POU6F2: variants seen among roughly 807,000 people sequenced by gnomAD.
POU6F2 encodes the protein POU domain, class 6, transcription factor 2.
A neutral mutation model predicts 71.3 loss-of-function variants in POU6F2; 31 were observed. The observed-to-expected ratio is 0.43, with a 90% CI of 0.33 to 0.59. POU6F2 has a LOEUF of 0.59. Ranked by LOEUF, POU6F2 falls within the 20% of genes least tolerant of loss-of-function variation. The pLI is 0.04. For synonymous variants in POU6F2, 347 were observed against 355.7 expected (o/e 0.98, Z 0.27); for missense variants, 783 against 856.8 (o/e 0.91, Z 1.07).
intron 1 of POU6F2, among the ~76,000 whole-genome samples, chr7:39,066,956 A>G (rs1790767555): frequency 6.8e-6 from 1 of 148,014 alleles, no homozygotes; most frequent in Non-Finnish European, 1.5e-5. Context: ...CCATTAAAAT[A>G]TATGCATTAT....
chr7:39,390,097 G>A (rs1787034922), intron 5 of POU6F2, among the ~76,000 whole-genome samples: 1 of 152,160 alleles, frequency 6.6e-6, no homozygotes, highest in South Asian at 2.1e-4. Flanking sequence ...TGCTCACTTA[G>A]TGATATTTCA....
chr7:39,168,083 G>T (rs1793147051), intron 2 of POU6F2, among the ~76,000 whole-genome samples: 1 of 152,080 alleles, frequency 6.6e-6, no homozygotes, highest in African/African-American at 2.4e-5. Flanking sequence ...GGATACCACA[G>T]AAAACATATC....
At chr7:39,378,516 A>C (rs1428903385) in intron 5 of POU6F2, among the ~76,000 whole-genome samples, 2 of 152,136 alleles carry the variant, frequency 1.3e-5, no homozygotes, top group African/African-American at 4.8e-5. Context: ...GAAGAGCGTG[A>C]ACCAAGAGTC....
chr7:39,027,194 G>A (rs1210154806), intron 1 of POU6F2, among the ~76,000 whole-genome samples: 1 of 152,104 alleles, frequency 6.6e-6, no homozygotes, highest in Non-Finnish European at 1.5e-5. Flanking sequence ...ATGAGTAATA[G>A]GAAATATATT....
At chr7:38,993,406 T>C (rs1377791012) in intron 1 of POU6F2, among the ~76,000 whole-genome samples, 1 of 152,146 alleles carries the variant, frequency 6.6e-6, no homozygotes, top group Non-Finnish European at 1.5e-5. Flanking sequence ...ACGGTTATAA[T>C]TTTCAAGTTT....
chr7:39,432,521 C>T (rs1788127408), intron 6 of POU6F2, among the ~76,000 whole-genome samples: 1 of 152,208 alleles, frequency 6.6e-6, no homozygotes, highest in Non-Finnish European at 1.5e-5. Flanking sequence ...AGCCCAGACT[C>T]TCCACCACTG....
chr7:39,079,884 T>C lies in POU6F2; in HGVS notation c.106-5976T>C, dbSNP rs558126138. 2.6e-5 allele frequency among the ~76,000 whole-genome samples: 4 copies of C among 152,328 alleles called. No homozygotes were observed. In the East Asian group the frequency reaches 7.7e-4, roughly 29 times the overall value. ...GTGAAGTGCATTATAATGGAAATTT[T>C]TGTCTGTTGAATATTTGCCAGAAAT... is the stretch of plus-strand genomic sequence containing the variant. On this transcript the variant is annotated intron_variant, in intron 1 of 9. Coordinates refer to ENST00000518318, the MANE Select transcript of POU6F2 (RefSeq NM_001370959.1).
At chr7:38,987,425 A>G (rs1330274291) in intron 1 of POU6F2, among the ~76,000 whole-genome samples, 1 of 152,148 alleles carries the variant, frequency 6.6e-6, no homozygotes, top group Non-Finnish European at 1.5e-5. Flanking sequence ...TATTAAGATA[A>G]TTGACATAGA....
intron 2 of POU6F2, among the ~76,000 whole-genome samples, chr7:39,151,543 G>A (rs1251097288): frequency 6.6e-6 from 1 of 152,072 alleles, no homozygotes; most frequent in East Asian, 1.9e-4. Flanking sequence ...ATAGTTTGTC[G>A]TGCAGAGATT....
At chr7:39,134,930 T>TA (rs1562718828) in intron 2 of POU6F2, among the ~76,000 whole-genome samples, 2 of 151,996 alleles carry the variant, frequency 1.3e-5, no homozygotes, top group East Asian at 3.9e-4. Flanking sequence ...TATTTCTTCA[T>TA]AAAAGAAGAA....
In POU6F2 at chr7:39,388,279, A is replaced by G. The variant is rs563856179; in HGVS notation, c.973-18321A>G. On this transcript the variant is annotated intron_variant, in intron 5 of 9. Coordinates refer to ENST00000518318, the MANE Select transcript of POU6F2 (RefSeq NM_001370959.1). ...ATCACCTCCTTGCTTCCATTGTTTG[A>G]ATGTCCTGTTGATATCCTTGTTTGA... is the stretch of plus-strand genomic sequence containing the variant. Among the ~76,000 whole-genome samples, 6 of 152,226 alleles carry G rather than the reference A, an allele frequency of 3.9e-5. No individual in the cohort carries two copies. In the East Asian group the frequency reaches 1.2e-3, roughly 30 times the overall value.
chr7:39,345,977 G>A (rs771506692), intron 5 of POU6F2, among the ~76,000 whole-genome samples: 28 of 152,120 alleles, frequency 1.8e-4, no homozygotes, highest in Non-Finnish European at 3.7e-4. Flanking sequence ...GTGAGAGATC[G>A]GGTGGGAAAT....
chr7:39,164,389 G>T (rs1473184635), intron 2 of POU6F2, among the ~76,000 whole-genome samples: 3 of 120,446 alleles, frequency 2.5e-5, no homozygotes, highest in African/African-American at 9.2e-5. Context: ...GGACAGGGTG[G>T]CAGGGTAGGT....
At chr7:39,088,883 A>G (rs1791308697) in intron 2 of POU6F2, among the ~76,000 whole-genome samples, 1 of 152,196 alleles carries the variant, frequency 6.6e-6, no homozygotes, top group Non-Finnish European at 1.5e-5. Flanking sequence ...CTTCAGCCCA[A>G]AACTGCAGGA....
chr7:39,369,191 G>A (rs1026654964), intron 5 of POU6F2, among the ~76,000 whole-genome samples: 1 of 152,120 alleles, frequency 6.6e-6, no homozygotes, highest in African/African-American at 2.4e-5. Context: ...ACAGCAGCAG[G>A]GTTTGAGAGA....
In POU6F2 at chr7:39,422,214, T is replaced by C. The variant is rs551854982; in HGVS notation, c.1114-10863T>C. On this transcript the variant is annotated intron_variant, in intron 6 of 9. Coordinates refer to ENST00000518318, the MANE Select transcript of POU6F2 (RefSeq NM_001370959.1). ...TTGTTTTCTAGTACCTGGAACATTC[T>C]TAAACTTTCTAGTGGACAAATATAA... Among the ~76,000 whole-genome samples the C allele has an allele frequency of 2.5e-4, 38 of 152,366 alleles. 1 individual carries two copies. The East Asian group carries it at 6.5e-3, about 26-fold the overall frequency.
chr7:39,139,117 G>A (rs1792444492), intron 2 of POU6F2, among the ~76,000 whole-genome samples: 1 of 152,050 alleles, frequency 6.6e-6, no homozygotes, highest in African/African-American at 2.4e-5. Flanking sequence ...ATTTTGCACT[G>A]GGCACTGCAA....
intron 6 of POU6F2, among the ~76,000 whole-genome samples, chr7:39,415,445 C>A (rs1373699235): frequency 7.2e-5 from 11 of 152,172 alleles, no homozygotes. Flanking sequence ...AGGAGAGGAC[C>A]AATTAACTAA....
intron 4 of POU6F2, among the ~76,000 whole-genome samples, chr7:39,265,844 A>G (rs1456241750): frequency 6.6e-6 from 1 of 152,276 alleles, no homozygotes; most frequent in Admixed American, 6.5e-5. Context: ...AGCGGTGTGC[A>G]GACGACTCAC....
Sources: gnomAD v4.1 joint callset for allele counts (sites outside exome capture counted in the v4.1 genomes callset) on GRCh38, gnomAD v4.1.1 for gene constraint, MANE v1.5 for transcripts, NCBI Gene and HGNC (gene_info 2026-07-23, HGNC 2026-07-21) for gene names.